PLAGL1: variants seen among roughly 807,000 people sequenced by gnomAD.
PLAGL1 encodes zinc finger protein PLAGL1.
PLAGL1 carries 1 observed loss-of-function variant against 4.6 expected under a neutral mutation model. That is an observed-to-expected ratio of 0.22 (90% CI 0.08 to 1.03). The LOEUF (loss-of-function observed/expected upper bound fraction) is 1.03. PLAGL1 is among the 50% of genes least tolerant of loss of function. The pLI is 0.58. For synonymous variants in PLAGL1, 240 were observed against 237.8 expected (o/e 1.01, Z -0.08); for missense variants, 464 against 570.4 (o/e 0.81, Z 1.90).
chr6:144,010,331 CAT>C (rs1399054712), upstream of PLAGL1, among the ~76,000 whole-genome samples: 3 of 152,166 alleles, frequency 2.0e-5, no homozygotes, highest in Non-Finnish European at 2.9e-5. This position sits in a 1 kb window ranked among gnomAD's most constrained non-coding sequence, Gnocchi z 4.1. Flanking sequence ...AGAGCCAACA[CAT>C]GAGTGAACTC....
chr6:144,003,749 C>T (rs1383555202), intron 1 of PLAGL1, among the ~76,000 whole-genome samples: 1 of 151,784 alleles, frequency 6.6e-6, no homozygotes. Flanking sequence ...AAAAAGGTAA[C>T]CTAATTTTTA....
At chr6:143,981,402 T>C (rs1349180160) in intron 2 of PLAGL1, among the ~76,000 whole-genome samples, 1 of 152,114 alleles carries the variant, frequency 6.6e-6, no homozygotes, top group Non-Finnish European at 1.5e-5. Flanking sequence ...CCTCTGAAGA[T>C]CTCTGGAGCT....
In PLAGL1 at chr6:143,989,632, G is replaced by A. The variant is rs1457816024; in HGVS notation, c.-583-4458C>T. The stretch of plus-strand genomic sequence containing the variant: ...TTCCCGAGTCTCCAGCTTGCAGACA[G>A]TTGACTGTGGGATTTCTCAGCCTTC... On this transcript the variant is annotated intron_variant, in intron 1 of 7. Coordinates refer to ENST00000674357, the MANE Select transcript of PLAGL1 (RefSeq NM_001317162.2). The surrounding 1 kb of genome is among the most constrained non-coding windows in gnomAD (Gnocchi z 4.8). Among the ~76,000 whole-genome samples, 1 of 152,218 alleles carries A rather than the reference G, an allele frequency of 6.6e-6. No homozygotes were observed. Among genetic ancestry groups the A allele is most frequent in the Non-Finnish European group, 1.5e-5 (1 of 68,034 alleles).
At chr6:144,009,313 C>T (rs1409831813), upstream of PLAGL1, among the ~76,000 whole-genome samples, 1 of 152,204 alleles carries the variant, frequency 6.6e-6, no homozygotes, top group Non-Finnish European at 1.5e-5. Flanking sequence ...TGTAACTTAT[C>T]TATCCCTGAA....
Position 143,996,000 on chromosome 6 carries a change from C to G in PLAGL1, c.-583-10826G>C, listed in dbSNP as rs1158850030. 1.3e-5 allele frequency among the ~76,000 whole-genome samples: 2 copies of G among 152,030 alleles called. No individual in the cohort carries two copies. Among genetic ancestry groups the G allele is most frequent in the East Asian group, 3.8e-4 (2 of 5,206 alleles). On this transcript the variant is annotated intron_variant, in intron 1 of 7. Transcript: ENST00000674357. This position sits in a 1 kb window ranked among gnomAD's most constrained non-coding sequence, Gnocchi z 4.4. ...GGATGGTCAGGAGCTCAACCAAAAC[C>G]AAAAACGGTTTAACCTGGTCACCCT...
chr6:143,970,171 G>A lies in PLAGL1; in HGVS notation c.-543-1193C>T, dbSNP rs1031178382. Among the ~76,000 whole-genome samples, 6 of 152,124 alleles carry A rather than the reference G, an allele frequency of 3.9e-5. No individual in the cohort carries two copies. The highest frequency in any genetic ancestry group is 1.3e-4 in the Admixed American group (2 of 15,266). ...TGCCTTGACCAAAAAGGCTGCTGTT[G>A]TATGTGTTTTTAAAATAACGAAACC... On this transcript the variant is annotated intron_variant, in intron 2 of 7. Transcript: ENST00000674357. This position sits in a 1 kb window ranked among gnomAD's most constrained non-coding sequence, Gnocchi z 5.8.
chr6:144,008,339 G>A (rs890896082), upstream of PLAGL1: 1 of 151,858 alleles, frequency 6.6e-6, no homozygotes, highest in African/African-American at 2.4e-5. This position sits in a 1 kb window ranked among gnomAD's most constrained non-coding sequence, Gnocchi z 6.9. Flanking sequence ...CAGATGCCGT[G>A]GGCTTTGCCG....
upstream of PLAGL1, among the ~76,000 whole-genome samples, chr6:144,011,380 C>T (rs1188014194): frequency 6.6e-6 from 1 of 152,184 alleles, no homozygotes; most frequent in Non-Finnish European, 1.5e-5. This position sits in a 1 kb window ranked among gnomAD's most constrained non-coding sequence, Gnocchi z 4.3. Flanking sequence ...TAGAGAAATG[C>T]TTCAAAGATT....
chr6:144,006,043 A>G lies in PLAGL1; in HGVS notation c.-584+2047T>C, dbSNP rs1185392148. ...ATGTAAATGTGACTTTTGGGAAAGC[A>G]AACACACCAAATGATGTTTTCTCCT... is the stretch of plus-strand genomic sequence containing the variant. On this transcript the variant is annotated intron_variant, in intron 1 of 7. Transcript: ENST00000674357. This position sits in a 1 kb window ranked among gnomAD's most constrained non-coding sequence, Gnocchi z 4.3. The G allele has an allele frequency of 6.6e-6, 1 of 152,184 alleles. No individual in the cohort carries two copies. The highest frequency in any genetic ancestry group is 1.5e-5 in the Non-Finnish European group (1 of 68,038). The allele number at this position is 152,184 out of a possible 1,614,324, so 9.4% of individuals were successfully genotyped here.
At chr6:144,026,667 C>G (rs1796362999) in intron 1 of PLAGL1, among the ~76,000 whole-genome samples, 1 of 152,158 alleles carries the variant, frequency 6.6e-6, no homozygotes, top group Non-Finnish European at 1.5e-5. Flanking sequence ...GTCCAAATTT[C>G]TTTGCTTATT....
Position 143,963,013 on chromosome 6 carries a change from TGAAC to T in PLAGL1, c.-399+1770_-399+1773del, listed in dbSNP as rs1783683054. Among the ~76,000 whole-genome samples, 1 of 152,222 alleles carries T rather than the reference TGAAC, an allele frequency of 6.6e-6. No homozygotes were observed. The highest frequency in any genetic ancestry group is 2.1e-4 in the South Asian group (1 of 4,832). The stretch of plus-strand genomic sequence containing the variant: ...CTTATTTCAGCAAGATGGATCATGG[TGAAC>T]AATGAGATTATTTCTTTGAAATGAA... On this transcript the variant is annotated intron_variant, in intron 5 of 7. Coordinates refer to ENST00000674357, the MANE Select transcript of PLAGL1 (RefSeq NM_001317162.2). The surrounding 1 kb of genome is among the most constrained non-coding windows in gnomAD (Gnocchi z 6.1).
chr6:143,941,834 T>C lies in PLAGL1; in HGVS notation c.982A>G (p.Ile328Val), dbSNP rs1472559549. The C allele has an allele frequency of 6.2e-7, 1 of 1,614,210 alleles. No homozygotes were observed. Among genetic ancestry groups the C allele is most frequent in the Non-Finnish European group, 8.5e-7 (1 of 1,180,034 alleles). ...LKADTKGFCN[I>V]SLFEDLPLQE... is the part of the protein sequence containing the mutation. ...AGAGGCAAGTCCTCAAACAAACTGA[T>C]ATTGCAAAAACCTTTAGTATCTGCT... Residue 328 changes from isoleucine (I) to valine (V), a missense_variant, in exon 8 of 8, where the codon ATC (isoleucine) becomes GTC (valine). Transcript: ENST00000674357. The surrounding 1 kb of genome is among the most constrained non-coding windows in gnomAD (Gnocchi z 6.0).
In PLAGL1 at chr6:143,972,751, A is replaced by G. The variant is rs1785676433; in HGVS notation, c.-543-3773T>C. On this transcript the variant is annotated intron_variant, in intron 2 of 7. Coordinates refer to ENST00000674357, the MANE Select transcript of PLAGL1 (RefSeq NM_001317162.2). The surrounding 1 kb of genome is among the most constrained non-coding windows in gnomAD (Gnocchi z 6.8). Reference sequence around the variant, plus strand: ...GTTTCATATAATATCAATAATGCTTACTGTATCACTGTTTTCTTTCCTCTC... The same window carrying G: ...GTTTCATATAATATCAATAATGCTTGCTGTATCACTGTTTTCTTTCCTCTC... 6.6e-6 allele frequency among the ~76,000 whole-genome samples: 1 copy of G among 152,156 alleles called. No homozygotes were observed. The highest frequency in any genetic ancestry group is 2.1e-4 in the South Asian group (1 of 4,824).
At position 143,997,774 on chromosome 6, in the gene PLAGL1, G is replaced by T. The variant is rs1791986899; in HGVS notation, c.-584+10316C>A. ...GAGTGTGATCCATAGGGGAGGTGTT[G>T]ACCAGGAGGTAAATGAGAGAATTTT... On this transcript the variant is annotated intron_variant, in intron 1 of 7. Coordinates refer to ENST00000674357, the MANE Select transcript of PLAGL1 (RefSeq NM_001317162.2). The surrounding 1 kb of genome is among the most constrained non-coding windows in gnomAD (Gnocchi z 4.6). Among the ~76,000 whole-genome samples the T allele has an allele frequency of 6.6e-6, 1 of 151,766 alleles. No homozygotes were observed. The highest frequency in any genetic ancestry group is 2.4e-5 in the African/African-American group (1 of 41,064).
intron 1 of PLAGL1, among the ~76,000 whole-genome samples, chr6:144,025,231 C>A (rs182792786): frequency 5.8e-4 from 89 of 152,300 alleles, no homozygotes; most frequent in African/African-American, 2.0e-3. Context: ...AATTGAGGGA[C>A]TTTCTACAAA....
At chr6:144,047,971 T>C (rs111293436) in intron 1 of PLAGL1, among the ~76,000 whole-genome samples, 1 of 152,060 alleles carries the variant, frequency 6.6e-6, no homozygotes, top group African/African-American at 2.4e-5. Context: ...CCAGATACAA[T>C]GAGGGTACAA....
At chr6:144,044,999 G>A (rs1433713015) in intron 1 of PLAGL1, among the ~76,000 whole-genome samples, 6 of 14,286 alleles carry the variant, frequency 4.2e-4, no homozygotes, top group Admixed American at 9.9e-4. Flanking sequence ...TGCAACCCCT[G>A]CTTTTTTTTT....
rs1035030923 is a variant in PLAGL1, at chr6:143,949,415, C to A, written c.-324-955G>T. Among the ~76,000 whole-genome samples, 3 of 152,158 alleles carry A rather than the reference C, an allele frequency of 2.0e-5. No individual in the cohort carries two copies. The highest frequency in any genetic ancestry group is 7.2e-5 in the African/African-American group (3 of 41,426). The stretch of plus-strand genomic sequence containing the variant: ...TCCACTTACTAGGGTGGCTTTCCAC[C>A]CAAGCTGAGAAACTGTGTTCCAAAA... On this transcript the variant is annotated intron_variant, in intron 6 of 7. Transcript: ENST00000674357. This position sits in a 1 kb window ranked among gnomAD's most constrained non-coding sequence, Gnocchi z 5.3.
In PLAGL1 at chr6:144,056,606, T is replaced by C. The variant is rs551165429; in HGVS notation, c.-151+7862A>G. On this transcript the variant is annotated intron_variant, in intron 1 of 3. Transcript: ENST00000437412. This position sits in a 1 kb window ranked among gnomAD's most constrained non-coding sequence, Gnocchi z 4.7. Reference sequence around the variant, plus strand: ...CCCTTTCAGGTTGGCTTCTTTCACTTAGTAATATGCATTTAAGATTCCTCC... The same window carrying C: ...CCCTTTCAGGTTGGCTTCTTTCACTCAGTAATATGCATTTAAGATTCCTCC... Among the ~76,000 whole-genome samples, 1 of 152,196 alleles carries C rather than the reference T, an allele frequency of 6.6e-6. No homozygotes were observed. The highest frequency in any genetic ancestry group is 1.9e-4 in the East Asian group (1 of 5,190).
Sources: gnomAD v4.1 joint callset for allele counts (sites outside exome capture counted in the v4.1 genomes callset) on GRCh38, gnomAD v4.1.1 for gene constraint, Gnocchi (gnomAD v3.1) non-coding constraint, MANE v1.5 for transcripts, NCBI Gene and HGNC (gene_info 2026-07-23, HGNC 2026-07-21) for gene names.